Variants in AGBL4 observed in about 807,000 individuals in gnomAD.
AGBL4 encodes AGBL carboxypeptidase 4.
In AGBL4, 58 loss-of-function variants were observed where a neutral mutation model predicts 66.4. The observed-to-expected ratio is 0.87, with a 90% CI of 0.71 to 1.09. The LOEUF is 1.09. AGBL4 is among the 50% of genes least tolerant of loss of function. AGBL4 has a pLI of 0.00. For missense variants in AGBL4, 579 were observed against 631.0 expected, an observed-to-expected ratio of 0.92 and a Z score of 0.88; for synonymous variants, 234 against 222.9, an observed-to-expected ratio of 1.05 and a Z score of -0.44.
intron 3 of AGBL4, among the ~76,000 whole-genome samples, chr1:49,597,154 G>T (rs1400223930): frequency 6.6e-6 from 1 of 152,136 alleles, no homozygotes; most frequent in African/African-American, 2.4e-5. Flanking sequence ...CTCCAATTAG[G>T]TTAAGAATAA....
At chr1:49,555,479 G>A (rs908971698) in intron 3 of AGBL4, among the ~76,000 whole-genome samples, 1 of 149,396 alleles carries the variant, frequency 6.7e-6, no homozygotes, top group Non-Finnish European at 1.5e-5. Flanking sequence ...CAGTGCTGAT[G>A]GGTGCTTTTG....
At chr1:49,579,170 C>A (rs995824656) in intron 3 of AGBL4, among the ~76,000 whole-genome samples, 2 of 152,176 alleles carry the variant, frequency 1.3e-5, no homozygotes, top group Admixed American at 1.3e-4. Context: ...CAGCCAATTA[C>A]GGTACCTTGT....
intron 4 of AGBL4, among the ~76,000 whole-genome samples, chr1:49,094,571 C>T (rs1645059045): frequency 6.6e-6 from 1 of 152,108 alleles, no homozygotes; most frequent in Non-Finnish European, 1.5e-5. Context: ...TTTTGATGTG[C>T]TGCTGGATTC....
At chr1:49,482,486 T>C (rs1300574462) in intron 3 of AGBL4, among the ~76,000 whole-genome samples, 1 of 152,082 alleles carries the variant, frequency 6.6e-6, no homozygotes, top group Non-Finnish European at 1.5e-5. Context: ...ATCCCCTTTG[T>C]CATTTTTAAT....
intron 4 of AGBL4, among the ~76,000 whole-genome samples, chr1:49,137,647 C>A (rs571691548): frequency 6.6e-6 from 1 of 152,142 alleles, no homozygotes; most frequent in South Asian, 2.1e-4. Flanking sequence ...TCCTTATAGG[C>A]TACCGAGTAG....
intron 6 of AGBL4, among the ~76,000 whole-genome samples, chr1:48,771,411 A>G (rs1358704616): frequency 6.6e-6 from 1 of 152,146 alleles, no homozygotes; most frequent in East Asian, 1.9e-4. Flanking sequence ...GCCTGGGACA[A>G]TTTTTTATTT....
chr1:49,987,680 T>C (rs983379004), intron 1 of AGBL4, among the ~76,000 whole-genome samples: 2 of 152,044 alleles, frequency 1.3e-5, no homozygotes, highest in Non-Finnish European at 2.9e-5. Flanking sequence ...AAATACTATA[T>C]AGAAATTATA....
At chr1:49,056,586 T>C (rs565570122) in intron 4 of AGBL4, among the ~76,000 whole-genome samples, 3 of 152,156 alleles carry the variant, frequency 2.0e-5, no homozygotes, top group South Asian at 2.1e-4. Context: ...TAAATAGGAA[T>C]AAGTGATGAG....
intron 1 of AGBL4, among the ~76,000 whole-genome samples, chr1:49,927,911 T>C (rs1042753121): frequency 1.3e-5 from 2 of 152,072 alleles, no homozygotes; most frequent in Non-Finnish European, 1.5e-5. Flanking sequence ...TTAAAAGAAA[T>C]GATAAAATAG....
At chr1:48,555,851 G>C in intron 11 of AGBL4, among the ~76,000 whole-genome samples, 1 of 152,108 alleles carries the variant, frequency 6.6e-6, no homozygotes, top group Non-Finnish European at 1.5e-5. Context: ...ATGATACTTG[G>C]GTGCTGGCAG....
intron 2 of AGBL4, among the ~76,000 whole-genome samples, chr1:49,767,512 G>C (rs1643919045): frequency 6.6e-6 from 1 of 151,996 alleles, no homozygotes; most frequent in Non-Finnish European, 1.5e-5. Context: ...AGTTAGATAA[G>C]TCACAAATGA....
rs1266528849 is a variant in AGBL4 at position 48,533,342 on chromosome 1, C to T, written c.*831G>A. The T allele has an allele frequency of 6.6e-6, 1 of 152,220 alleles. No homozygotes were observed. The highest frequency in any genetic ancestry group is 1.5e-5 in the Non-Finnish European group (1 of 68,052). The allele number at this position is 152,220 out of a possible 1,614,324, so 9.4% of individuals were successfully genotyped here. A position where few individuals can be genotyped will look rare whatever the true frequency, so the allele number is the denominator to read the frequency against. ...TTTATTTTATCATTCCTCCCTGCCT[C>T]AGGGTGCATCCTTCTGTCTTTTGCA... On this transcript the variant is annotated 3_prime_UTR_variant, in exon 14 of 14. Coordinates refer to ENST00000371839, the MANE Select transcript of AGBL4 (RefSeq NM_032785.4).
intron 3 of AGBL4, among the ~76,000 whole-genome samples, chr1:49,398,188 G>A (rs1015860100): frequency 1.3e-5 from 2 of 152,142 alleles, no homozygotes; most frequent in Non-Finnish European, 2.9e-5. Flanking sequence ...GATTTTTTCA[G>A]AAGAGATTAG....
At chr1:48,683,992 G>T (rs1480220100) in intron 6 of AGBL4, among the ~76,000 whole-genome samples, 1 of 152,182 alleles carries the variant, frequency 6.6e-6, no homozygotes, top group Admixed American at 6.5e-5. Context: ...TGGAAAATGT[G>T]CCCAGAGAAA....
chr1:50,015,390 C>T lies in AGBL4; in HGVS notation c.34+8373G>A, dbSNP rs373147013. Among the ~76,000 whole-genome samples, 5 of 152,160 alleles carry T rather than the reference C, an allele frequency of 3.3e-5. No individual in the cohort carries two copies. In the South Asian group the frequency reaches 8.3e-4, roughly 25 times the overall value. ...ACATCTGTGAATTTCCAGAGTTTAG[C>T]ACAATGCTTGATGCATAGAAGGTAT... On this transcript the variant is annotated intron_variant, in intron 1 of 13. Coordinates refer to ENST00000371839, the MANE Select transcript of AGBL4 (RefSeq NM_032785.4).
intron 3 of AGBL4, among the ~76,000 whole-genome samples, chr1:49,557,560 T>C (rs1643934549): frequency 6.6e-6 from 1 of 152,064 alleles, no homozygotes; most frequent in Non-Finnish European, 1.5e-5. Context: ...TCAGCTGATA[T>C]CTGCCCATGG....
intron 3 of AGBL4, among the ~76,000 whole-genome samples, chr1:49,248,043 T>G (rs1475729055): frequency 6.6e-6 from 1 of 152,174 alleles, no homozygotes; most frequent in Non-Finnish European, 1.5e-5. Flanking sequence ...GTATTTTTTA[T>G]GTTTTCCAGC....
At chr1:48,522,549 C>G in the AGBL4 span, among the ~76,000 whole-genome samples, 23 of 152,254 alleles carry the variant, frequency 1.5e-4, no homozygotes, top group East Asian at 5.8e-4. Context: ...TTTATTTATT[C>G]TCTTTGGCAG....
chr1:49,467,218 TAGAA>T (rs1198433357), intron 3 of AGBL4, among the ~76,000 whole-genome samples: 1 of 151,706 alleles, frequency 6.6e-6, no homozygotes, highest in Non-Finnish European at 1.5e-5. Context: ...TGTGAGTAGT[TAGAA>T]AGACAATGTG....
Sources: allele counts gnomAD v4.1 joint callset (sites outside exome capture counted in the v4.1 genomes callset), GRCh38; gene constraint gnomAD v4.1.1; transcripts MANE v1.5; gene names NCBI Gene and HGNC (gene_info 2026-07-23, HGNC 2026-07-21).